Variants in SLC6A5 observed in about 807,000 individuals in gnomAD.
SLC6A5 encodes the protein solute carrier family 6 member 5, also known as sodium- and chloride-dependent glycine transporter 2.
A neutral mutation model predicts 90.5 loss-of-function variants in SLC6A5; 58 were observed. The ratio of observed to expected loss-of-function variants is 0.64; its 90% CI spans 0.52 to 0.80. The LOEUF (loss-of-function observed/expected upper bound fraction) is 0.80. Among genes scored for constraint, SLC6A5 ranks in the 30% least tolerant of loss-of-function variants. The probability of loss-of-function intolerance (pLI) is 0.00; values close to 1 mark genes in which losing one functional copy is unlikely to be tolerated. For synonymous variants in SLC6A5, 427 were observed against 401.4 expected (o/e 1.06, Z -0.76); for missense variants, 1,015 against 1,017.6 (o/e 1.00, Z 0.03).
chr11:20,610,572 T>C (rs1852675829), intron 5 of SLC6A5, among the ~76,000 whole-genome samples: 1 of 152,224 alleles, frequency 6.6e-6, no homozygotes, highest in Non-Finnish European at 1.5e-5. Flanking sequence ...AGAAATAACT[T>C]ATGTGCTTAT....
chr11:20,636,690 G>C (rs935286306), intron 11 of SLC6A5, among the ~76,000 whole-genome samples: 1 of 152,052 alleles, frequency 6.6e-6, no homozygotes, highest in Admixed American at 6.5e-5. Flanking sequence ...TCCTGCCTTC[G>C]TGTCATTTTG....
chr11:20,604,912 C>T (rs1852549037), intron 3 of SLC6A5, among the ~76,000 whole-genome samples: 1 of 152,152 alleles, frequency 6.6e-6, no homozygotes, highest in Non-Finnish European at 1.5e-5. Flanking sequence ...GAAGTGCCTG[C>T]CACCCCCGCC....
intron 13 of SLC6A5, among the ~76,000 whole-genome samples, chr11:20,641,454 T>A (rs533379468): frequency 2.6e-5 from 4 of 152,132 alleles, no homozygotes; most frequent in South Asian, 4.1e-4. Flanking sequence ...TTCTTGCCCA[T>A]CCTGATGGCT....
At chr11:20,629,771 C>A (rs1853072362) in intron 9 of SLC6A5, among the ~76,000 whole-genome samples, 1 of 147,704 alleles carries the variant, frequency 6.8e-6, no homozygotes, top group Non-Finnish European at 1.5e-5. Context: ...GCTCTTGTTG[C>A]CCAGGCTGGA....
intron 5 of SLC6A5, among the ~76,000 whole-genome samples, chr11:20,608,934 C>G (rs11025651): frequency 0.11 from 4,749 of 44,506 alleles, 81 homozygotes; most frequent in South Asian, 0.19. Context: ...CTCTCTCTCT[C>G]TCTCTCTCTC....
chr11:20,599,977 T>C (rs1852427222), intron 1 of SLC6A5, among the ~76,000 whole-genome samples: 1 of 152,164 alleles, frequency 6.6e-6, no homozygotes, highest in Admixed American at 6.5e-5. Flanking sequence ...CTCTGGGTCC[T>C]AGAGGCTACT....
chr11:20,615,430 G>A (rs551455785), intron 6 of SLC6A5, among the ~76,000 whole-genome samples: 8 of 151,950 alleles, frequency 5.3e-5, no homozygotes, highest in African/African-American at 1.9e-4. Flanking sequence ...GTGCAGTGGC[G>A]CGATCTCGGC....
At chr11:20,621,790 T>C (rs998072729) in intron 7 of SLC6A5, among the ~76,000 whole-genome samples, 1 of 152,250 alleles carries the variant, frequency 6.6e-6, no homozygotes, top group Admixed American at 6.5e-5. Flanking sequence ...GTTTAGGGCC[T>C]CAGGAGACAG....
intron 7 of SLC6A5, among the ~76,000 whole-genome samples, chr11:20,622,192 T>A (rs138108401): frequency 6.6e-6 from 1 of 152,340 alleles, no homozygotes; most frequent in Non-Finnish European, 1.5e-5. Flanking sequence ...GGGAACTAGC[T>A]GTGCAGAAAC....
rs1853089089 is a variant in SLC6A5 at position 20,630,588 on chromosome 11, CA to C, written c.1500-102del. 3.2e-5 allele frequency: 43 copies of C among 1,348,376 alleles called. No individual in the cohort carries two copies. The East Asian group carries it at 9.9e-4, about 31-fold the overall frequency. 83.5% of individuals were successfully genotyped at this position (1,348,376 alleles called of 1,614,324 possible). On this transcript the variant is annotated intron_variant, in intron 9 of 15. Coordinates refer to ENST00000525748, the MANE Select transcript of SLC6A5 (RefSeq NM_004211.5). ...ATGAACGTACACGTATATGCCTACA[CA>C]TGTGCAGACAAACATGTGGGCACAC...
chr11:20,617,477 C>G (rs1008365973), intron 6 of SLC6A5, among the ~76,000 whole-genome samples: 2 of 152,196 alleles, frequency 1.3e-5, no homozygotes, highest in African/African-American at 2.4e-5. Flanking sequence ...ACAGCCTTGT[C>G]CTGAAGCCTG....
intron 10 of SLC6A5, among the ~76,000 whole-genome samples, chr11:20,633,714 C>A (rs4923602): frequency 0.23 from 34,512 of 152,168 alleles, 4,325 homozygotes; most frequent in Non-Finnish European, 0.28. Flanking sequence ...AGGCATTGTT[C>A]TAAGCCTTTT....
At chr11:20,613,531 T>C (rs904160627) in intron 5 of SLC6A5, among the ~76,000 whole-genome samples, 1 of 152,152 alleles carries the variant, frequency 6.6e-6, no homozygotes, top group African/African-American at 2.4e-5. Flanking sequence ...GAGATAATCA[T>C]TAAAGTGTTC....
intron 7 of SLC6A5, among the ~76,000 whole-genome samples, chr11:20,625,670 C>T (rs911593332): frequency 3.9e-5 from 6 of 152,078 alleles, no homozygotes; most frequent in African/African-American, 1.4e-4. Flanking sequence ...ATGTCTCTAG[C>T]CCCCCACCCC....
At chr11:20,646,722 G>C in intron 13 of SLC6A5, 112 bp from the exon 14 acceptor site, 1 of 759,432 alleles carries the variant, frequency 1.3e-6, no homozygotes, top group Non-Finnish European at 2.4e-6. Context: ...TACAGGGCTG[G>C]GGCCAGCCCT....
chr11:20,604,016 A>G (rs1046381085), intron 2 of SLC6A5, among the ~76,000 whole-genome samples: 1 of 151,954 alleles, frequency 6.6e-6, no homozygotes, highest in African/African-American at 2.4e-5. Flanking sequence ...GATCTGGGAA[A>G]GAGGGGTTTT....
chr11:20,641,013 G>A (rs12804634), intron 13 of SLC6A5, among the ~76,000 whole-genome samples: 44,456 of 152,068 alleles, frequency 0.29, 6,696 homozygotes, highest in Middle Eastern at 0.4. Context: ...TTATTTATTA[G>A]ATTGAAACAG....
At chr11:20,646,241 T>C (rs2062354973) in intron 13 of SLC6A5, among the ~76,000 whole-genome samples, 1 of 152,056 alleles carries the variant, frequency 6.6e-6, no homozygotes, top group African/African-American at 2.4e-5. Flanking sequence ...GGTTGATGAG[T>C]GACCAAGAAG....
chr11:20,654,395 A>G (rs911333644), intron 15 of SLC6A5, among the ~76,000 whole-genome samples: 4 of 152,204 alleles, frequency 2.6e-5, no homozygotes, highest in African/African-American at 2.4e-5. Flanking sequence ...TTTGGAGGGA[A>G]AAAATATATA....
Sources: gnomAD v4.1 joint callset for allele counts (sites outside exome capture counted in the v4.1 genomes callset) on GRCh38, gnomAD v4.1.1 for gene constraint, MANE v1.5 for transcripts, NCBI Gene and HGNC (gene_info 2026-07-23, HGNC 2026-07-21) for gene names.